Variants in PPFIBP2 observed in about 807,000 individuals in gnomAD.
PPFIBP2 encodes liprin-beta-2.
A neutral mutation model predicts 118.3 loss-of-function variants in PPFIBP2; 118 were observed. The observed-to-expected ratio is 1.00, with a 90% CI of 0.86 to 1.16. PPFIBP2 has a LOEUF of 1.16. Among genes scored for constraint, PPFIBP2 ranks in the 50% most tolerant of loss-of-function variants. The probability of loss-of-function intolerance (pLI) is 0.00; values close to 1 mark genes in which losing one functional copy is unlikely to be tolerated. For missense variants in PPFIBP2, 1,195 were observed against 1,073.1 expected, an observed-to-expected ratio of 1.11 and a Z score of -1.59; for synonymous variants, 414 against 397.4, an observed-to-expected ratio of 1.04 and a Z score of -0.50.
chr11:7,608,372 G>A (rs1286033670), intron 5 of PPFIBP2, among the ~76,000 whole-genome samples: 1 of 152,200 alleles, frequency 6.6e-6, no homozygotes, highest in African/African-American at 2.4e-5. Context: ...TGGGTGTGGT[G>A]GTTGACGCCT....
chr11:7,663,685 G>A, the PPFIBP2 span, among the ~76,000 whole-genome samples: 1 of 152,240 alleles, frequency 6.6e-6, no homozygotes, highest in Non-Finnish European at 1.5e-5. Context: ...CCCAGTTCGA[G>A]CTTCCCGGCT....
At chr11:7,541,885 A>G (rs978858010) in intron 1 of PPFIBP2, among the ~76,000 whole-genome samples, 5 of 152,202 alleles carry the variant, frequency 3.3e-5, no homozygotes, top group African/African-American at 9.7e-5. Flanking sequence ...GTGTAGGCAC[A>G]CTTGACTCTG....
At chr11:7,586,710 C>G (rs1169888791) in intron 3 of PPFIBP2, among the ~76,000 whole-genome samples, 3 of 152,118 alleles carry the variant, frequency 2.0e-5, no homozygotes, top group African/African-American at 4.8e-5. Flanking sequence ...AAGGTGGTCC[C>G]TTGGGGAGGA....
the PPFIBP2 span, among the ~76,000 whole-genome samples, chr11:7,663,755 T>C: frequency 3.5e-4 from 54 of 152,312 alleles, no homozygotes; most frequent in Middle Eastern, 3.4e-3. Flanking sequence ...GCCTCGCTGC[T>C]GCCTTGCAGT....
chr11:7,554,785 T>TGACTATACTAGACTA (rs1554950426), intron 2 of PPFIBP2, among the ~76,000 whole-genome samples: 2 of 129,714 alleles, frequency 1.5e-5, no homozygotes, highest in African/African-American at 6.3e-5. Context: ...GAATCCCAGG[T>TGACTATACTAGACTA]GACTAGACTA....
rs752634614 is a variant in PPFIBP2, at chr11:7,610,413, A to G, written c.609A>G (p.Arg203=). 6.2e-7 allele frequency: 1 copy of G among 1,613,766 alleles called. No individual in the cohort carries two copies. The highest frequency in any genetic ancestry group is 8.5e-7 in the Non-Finnish European group (1 of 1,179,906). Residue 203 remains arginine (R), a synonymous_variant, in exon 6 of 24, where the codon AGA becomes AGG. Coordinates refer to ENST00000299492, the MANE Select transcript of PPFIBP2 (RefSeq NM_003621.5). ...AGAGAGAGCAGGAGGAGAAGCAGAG[A>G]AAAGCAGAGGTAAGGGTGAGTGTGT... ...KEQREQEEKQ[R]KAEELLQELR...
At chr11:7,666,595 C>A in the PPFIBP2 span, 1 of 1,421,630 alleles carries the variant, frequency 7.0e-7, no homozygotes, top group Non-Finnish European at 9.9e-7. Context: ...GGGCCATCCT[C>A]TTGTTCCCTG....
intron 1 of PPFIBP2, among the ~76,000 whole-genome samples, chr11:7,517,975 A>G (rs1365942298): frequency 6.6e-6 from 1 of 152,190 alleles, no homozygotes; most frequent in Non-Finnish European, 1.5e-5. Context: ...GGGTATGGGC[A>G]TTGTCTGGAC....
chr11:7,640,049 C>A (rs1439501118), intron 15 of PPFIBP2, among the ~76,000 whole-genome samples, 179 bp downstream of exon 15: 2 of 152,162 alleles, frequency 1.3e-5, no homozygotes, highest in Admixed American at 6.5e-5. Context: ...CCTGGGCGAG[C>A]TGTTTTCTAA....
At chr11:7,534,911 G>A (rs1424484758) in intron 1 of PPFIBP2, among the ~76,000 whole-genome samples, 1 of 152,240 alleles carries the variant, frequency 6.6e-6, no homozygotes, top group African/African-American at 2.4e-5. Context: ...GGTTGCTGGG[G>A]AGCCATGCTC....
intron 2 of PPFIBP2, among the ~76,000 whole-genome samples, chr11:7,559,185 G>A (rs747934394): frequency 6.6e-6 from 1 of 152,232 alleles, no homozygotes; most frequent in Non-Finnish European, 1.5e-5. Flanking sequence ...AGGCTTGACT[G>A]TAAGTTGAAT....
At chr11:7,664,819 G>A in the PPFIBP2 span, among the ~76,000 whole-genome samples, 43,897 of 104,136 alleles carry the variant, frequency 0.42, 7,687 homozygotes, top group South Asian at 0.5. Context: ...CCCCCACCCC[G>A]ACAGACCCTC....
chr11:7,604,607 C>G (rs1847118923), intron 5 of PPFIBP2, among the ~76,000 whole-genome samples: 1 of 152,096 alleles, frequency 6.6e-6, no homozygotes, highest in African/African-American at 2.4e-5. Context: ...CACACCCCCA[C>G]ACCCATGCAT....
chr11:7,666,295 A>C, the PPFIBP2 span: 45 of 613,552 alleles, frequency 7.3e-5, no homozygotes, highest in Non-Finnish European at 1.3e-4. Flanking sequence ...TTTCTCCCTC[A>C]ATTTCTCACA....
At chr11:7,608,968 C>T (rs1270437325) in intron 5 of PPFIBP2, among the ~76,000 whole-genome samples, 1 of 152,008 alleles carries the variant, frequency 6.6e-6, no homozygotes, top group African/African-American at 2.4e-5. Context: ...CTGGCTGGCC[C>T]AGGAAGAGCT....
intron 21 of PPFIBP2, among the ~76,000 whole-genome samples, chr11:7,650,003 G>A (rs991511224): frequency 1.3e-5 from 2 of 152,176 alleles, no homozygotes; most frequent in Non-Finnish European, 2.9e-5. Context: ...GACAGAGGAG[G>A]GGGAAGAGGA....
At chr11:7,637,784 A>C (rs1447298682) in intron 14 of PPFIBP2, among the ~76,000 whole-genome samples, 1 of 152,228 alleles carries the variant, frequency 6.6e-6, no homozygotes, top group Admixed American at 6.5e-5. Context: ...AGCAGAGCTC[A>C]GAGAGCCCTT....
At chr11:7,568,531 A>G (rs1244199461) in intron 3 of PPFIBP2, among the ~76,000 whole-genome samples, 2 of 152,218 alleles carry the variant, frequency 1.3e-5, no homozygotes, top group African/African-American at 4.8e-5. Context: ...TGCAGTGGCC[A>G]GAATTTGTTC....
intron 7 of PPFIBP2, among the ~76,000 whole-genome samples, chr11:7,622,893 C>T (rs1237890246): frequency 7.2e-5 from 11 of 152,122 alleles, no homozygotes; most frequent in Admixed American, 6.5e-4. Context: ...TTTTTAACAC[C>T]CCAGCTCTTT....
Sources: allele counts gnomAD v4.1 joint callset (sites outside exome capture counted in the v4.1 genomes callset), GRCh38; gene constraint gnomAD v4.1.1; transcripts MANE v1.5; gene names NCBI Gene and HGNC (gene_info 2026-07-23, HGNC 2026-07-21).